Variants in SAE1 observed in about 807,000 individuals in gnomAD.
SAE1 encodes SUMO-activating enzyme subunit 1.
SAE1 carries 11 observed loss-of-function variants against 40.6 expected under a neutral mutation model. That is an observed-to-expected ratio of 0.27 (90% CI 0.17 to 0.45). The LOEUF is 0.45. SAE1 is among the 20% of genes least tolerant of loss of function. The pLI is 1.00. For synonymous variants in SAE1, 155 were observed against 154.3 expected (o/e 1.00, Z -0.03); for missense variants, 373 against 427.3 (o/e 0.87, Z 1.12).
At chr19:47,203,333 T>TG (rs1321628419) in intron 7 of SAE1, among the ~76,000 whole-genome samples, 1 of 152,178 alleles carries the variant, frequency 6.6e-6, no homozygotes, top group Non-Finnish European at 1.5e-5. Context: ...AGAAGAGAAT[T>TG]GCGAGAATGT....
At position 47,203,748 on chromosome 19, in the gene SAE1, A is replaced by G. The variant is rs748405281; in HGVS notation, c.948+8A>G. Reference sequence around the variant, plus strand: ...GCACAGGAAATTGTGAAGGTAAAACATCACTGTGGAGCAGAAAATTGTTAA... The same window carrying G: ...GCACAGGAAATTGTGAAGGTAAAACGTCACTGTGGAGCAGAAAATTGTTAA... On this transcript the variant is annotated splice_region_variant and intron_variant, in intron 8 of 8. Transcript: ENST00000270225. The G allele has an allele frequency of 2.4e-5, 38 of 1,611,858 alleles. No homozygotes were observed. The highest frequency in any genetic ancestry group is 5.5e-5 in the South Asian group (5 of 91,048).
At chr19:47,174,766 G>T (rs186521117) in intron 6 of SAE1, among the ~76,000 whole-genome samples, 280 of 151,832 alleles carry the variant, frequency 1.8e-3, no homozygotes, top group Non-Finnish European at 3.1e-3. Context: ...GTAGAGACGG[G>T]GTTTCACCAT....
intron 6 of SAE1, among the ~76,000 whole-genome samples, chr19:47,182,501 GCA>G (rs770339472): frequency 6.7e-5 from 10 of 148,386 alleles, no homozygotes; most frequent in South Asian, 2.1e-4. Flanking sequence ...GTGTGTGCGC[GCA>G]CGCACGCGCG....
chr19:47,160,434 G>A (rs1446258924), intron 5 of SAE1, among the ~76,000 whole-genome samples: 38 of 123,868 alleles, frequency 3.1e-4, no homozygotes, highest in African/African-American at 1.1e-3. Context: ...TCGCTCTGTC[G>A]CCCAGGCTGG....
At chr19:47,143,232 A>C (rs1010535226) in intron 1 of SAE1, among the ~76,000 whole-genome samples, 1 of 151,950 alleles carries the variant, frequency 6.6e-6, no homozygotes, top group Admixed American at 6.6e-5. Flanking sequence ...CAGCCTCCCA[A>C]GTAGCTGAGA....
At chr19:47,144,710 CAACAAAAACA>C (rs760740884) in intron 2 of SAE1, among the ~76,000 whole-genome samples, 74 of 152,176 alleles carry the variant, frequency 4.9e-4, no homozygotes, top group Admixed American at 2.6e-3. Context: ...ACAACAACAA[CAACAAAAACA>C]AACAAAAACA....
intron 8 of SAE1, among the ~76,000 whole-genome samples, chr19:47,205,756 A>G (rs1430655215): frequency 3.3e-5 from 5 of 152,094 alleles, no homozygotes; most frequent in East Asian, 1.9e-4. Flanking sequence ...TACTCATTTC[A>G]TCTCCCACCG....
chr19:47,134,679 G>A (rs993477384), intron 1 of SAE1, among the ~76,000 whole-genome samples: 1 of 152,138 alleles, frequency 6.6e-6, no homozygotes, highest in Admixed American at 6.6e-5. Flanking sequence ...GCAGCAGATA[G>A]CTTTGTTTGA....
chr19:47,139,693 A>G (rs1420278869), intron 1 of SAE1, among the ~76,000 whole-genome samples: 1 of 141,252 alleles, frequency 7.1e-6, no homozygotes, highest in Non-Finnish European at 1.5e-5. Context: ...GGTTCACACC[A>G]TTCTCCTGTC....
intron 5 of SAE1, among the ~76,000 whole-genome samples, chr19:47,159,974 G>A (rs1056059265): frequency 4.6e-5 from 7 of 152,184 alleles, no homozygotes; most frequent in African/African-American, 1.7e-4. Flanking sequence ...GATTATAGGC[G>A]TGAGCCACAG....
chr19:47,161,694 T>C (rs17729227), intron 5 of SAE1, among the ~76,000 whole-genome samples: 2,132 of 152,326 alleles, frequency 0.014, 107 homozygotes, highest in Admixed American at 0.097. Flanking sequence ...GCATCAAACA[T>C]TACTGGTATG....
intron 4 of SAE1, 45 bp from the exon 5 acceptor site, chr19:47,155,069 G>T (rs369850909): frequency 1.1e-5 from 13 of 1,228,462 alleles, no homozygotes; most frequent in Non-Finnish European, 1.6e-5. Context: ...CCAATAACAT[G>T]ATTCCTAGGG....
intron 6 of SAE1, among the ~76,000 whole-genome samples, chr19:47,195,674 TCCCTTC>T (rs925946713): frequency 3.1e-4 from 47 of 151,586 alleles, no homozygotes; most frequent in African/African-American, 1.0e-3. Flanking sequence ...CCTTTCCCTT[TCCCTTC>T]CCCTTCCCCT....
intron 1 of SAE1, among the ~76,000 whole-genome samples, chr19:47,135,372 C>T (rs908365457): frequency 5.3e-5 from 8 of 152,126 alleles, no homozygotes; most frequent in African/African-American, 7.2e-5. Context: ...CTACTATCTG[C>T]ATGAGTTCAA....
intron 1 of SAE1, among the ~76,000 whole-genome samples, chr19:47,136,261 C>T (rs571005559): frequency 6.1e-4 from 93 of 152,002 alleles, no homozygotes; most frequent in Non-Finnish European, 1.2e-3. Context: ...GCCTAAGCCT[C>T]CCAAGTAGCT....
rs569909749 is a variant in SAE1 at position 47,135,310 on chromosome 19, C to T, written c.98+4282C>T. 4.6e-5 allele frequency among the ~76,000 whole-genome samples: 7 copies of T among 152,170 alleles called. No homozygotes were observed. The East Asian group carries it at 1.4e-3, about 29-fold the overall frequency. On this transcript the variant is annotated intron_variant, in intron 1 of 8. Transcript: ENST00000270225. ...ATATTTTTGTATCCATTAGTCATCC[C>T]TCCTTCCCCTCCACCCCCCACTACC...
intron 6 of SAE1, among the ~76,000 whole-genome samples, chr19:47,176,406 A>G (rs997533979): frequency 6.6e-6 from 1 of 152,250 alleles, no homozygotes; most frequent in African/African-American, 2.4e-5. Flanking sequence ...TGCATACCTA[A>G]GAATATCTCA....
intron 1 of SAE1, among the ~76,000 whole-genome samples, chr19:47,140,104 ATTT>A (rs1211393505): frequency 3.7e-5 from 5 of 135,222 alleles, no homozygotes; most frequent in African/African-American, 5.5e-5. Context: ...CTCCCGGCTA[ATTT>A]TTTTTTTTTT....
intron 5 of SAE1, among the ~76,000 whole-genome samples, chr19:47,169,282 C>A (rs904277546): frequency 1.3e-5 from 2 of 152,082 alleles, no homozygotes; most frequent in African/African-American, 4.8e-5. Context: ...CTTACTCCTT[C>A]ATCCAGAGGC....
Sources: allele counts gnomAD v4.1 joint callset (sites outside exome capture counted in the v4.1 genomes callset), GRCh38; gene constraint gnomAD v4.1.1; transcripts MANE v1.5; gene names NCBI Gene and HGNC (gene_info 2026-07-23, HGNC 2026-07-21).